POFUT2: variants seen among roughly 807,000 people sequenced by gnomAD.
The protein encoded by POFUT2 is protein O-fucosyltransferase 2.
Under a neutral mutation model 55.0 loss-of-function variants are expected in POFUT2, and 30 were observed. The ratio of observed to expected loss-of-function variants is 0.55; its 90% CI spans 0.41 to 0.74. The LOEUF (loss-of-function observed/expected upper bound fraction) is 0.74, where lower values mean the gene tolerates loss of function less well. POFUT2 is among the 30% of genes least tolerant of loss of function. POFUT2 has a pLI of 0.00. For synonymous variants in POFUT2, 267 were observed against 231.1 expected (o/e 1.16, Z -1.41); for missense variants, 524 against 562.6 (o/e 0.93, Z 0.69).
chr21:45,276,516 A>G (rs1011297989), intron 6 of POFUT2, among the ~76,000 whole-genome samples: 11 of 152,258 alleles, frequency 7.2e-5, no homozygotes, highest in African/African-American at 2.4e-4. Flanking sequence ...TTGAAATTAC[A>G]TCACAGAAAA....
chr21:45,264,770 G>C lies in POFUT2; in HGVS notation c.*712C>G, dbSNP rs1569212216. ...CCAGCCGGGCCTGGTGTGAGGAGCAGAGCTGCAAGTTTCCTACAGACAATC... is the reference window on the plus strand; with the variant it reads ...CCAGCCGGGCCTGGTGTGAGGAGCACAGCTGCAAGTTTCCTACAGACAATC... On this transcript the variant is annotated 3_prime_UTR_variant, in exon 9 of 9. Transcript: ENST00000349485. 6.5e-6 allele frequency: 1 copy of C among 152,950 alleles called. No individual in the cohort carries two copies. Among genetic ancestry groups the C allele is most frequent in the Non-Finnish European group, 1.5e-5 (1 of 68,544 alleles). 9.5% of individuals were successfully genotyped at this position (152,950 alleles called of 1,614,324 possible).
chr21:45,269,692 TTGTTCAC>T (rs1254222292), intron 7 of POFUT2, 140 bp downstream of exon 7: 4 of 720,880 alleles, frequency 5.5e-6, no homozygotes, highest in Non-Finnish European at 9.0e-6. Context: ...CCAGAGACCT[TTGTTCAC>T]TTGTTTATCT....
intron 2 of POFUT2, 107 bp from the exon 3 acceptor site, chr21:45,283,634 T>C (rs1372942975): frequency 8.9e-7 from 1 of 1,127,072 alleles, no homozygotes; most frequent in East Asian, 2.4e-5. Flanking sequence ...CACCACCCTA[T>C]TCCCAAAGGG....
rs1030731748 is a variant in POFUT2, at chr21:45,270,651, C to G, written c.832-632G>C. On this transcript the variant is annotated intron_variant, in intron 6 of 8. Coordinates refer to ENST00000349485, the MANE Select transcript of POFUT2 (RefSeq NM_133635.6). This position sits in a 1 kb window ranked among gnomAD's most constrained non-coding sequence, Gnocchi z 4.6. ...AAGGACCCCCCCAGAGTCCACTTCACTCCCCCGCCACCTCCAGCAGAGCAG... is the reference window on the plus strand; with the variant it reads ...AAGGACCCCCCCAGAGTCCACTTCAGTCCCCCGCCACCTCCAGCAGAGCAG... 6.6e-6 allele frequency among the ~76,000 whole-genome samples: 1 copy of G among 152,242 alleles called. No individual in the cohort carries two copies. Among genetic ancestry groups the G allele is most frequent in the African/African-American group, 2.4e-5 (1 of 41,458 alleles).
At chr21:45,278,245 T>A (rs1007932022) in intron 4 of POFUT2, 76 bp from the exon 5 acceptor site, 7 of 1,269,412 alleles carry the variant, frequency 5.5e-6, no homozygotes, top group Non-Finnish European at 8.1e-6. Context: ...GAGCACAAAC[T>A]GGGAGAACCC....
intron 7 of POFUT2, among the ~76,000 whole-genome samples, chr21:45,268,288 G>A (rs1012467503): frequency 1.5e-4 from 23 of 152,174 alleles, no homozygotes; most frequent in Admixed American, 4.6e-4. Context: ...CTCAGTGCTC[G>A]ATGGTGCCCA....
rs914214 is a variant in POFUT2, at chr21:45,277,905, G to C, written c.705+198C>G. ...GAGGGGAGAGCTGGGTGGCCCTGCGGGCTCCCGAGGACCTGGCTCTGCAGC... is the reference window on the plus strand; with the variant it reads ...GAGGGGAGAGCTGGGTGGCCCTGCGCGCTCCCGAGGACCTGGCTCTGCAGC... On this transcript the variant is annotated intron_variant, in intron 5 of 8. Coordinates refer to ENST00000349485, the MANE Select transcript of POFUT2 (RefSeq NM_133635.6). This position sits in a 1 kb window ranked among gnomAD's most constrained non-coding sequence, Gnocchi z 6.9. 1.6e-6 allele frequency: 1 copy of C among 620,520 alleles called. No individual in the cohort carries two copies. The highest frequency in any genetic ancestry group is 2.8e-5 in the Admixed American group (1 of 35,794). The allele number at this position is 620,520 out of a possible 1,614,324, so 38.4% of individuals were successfully genotyped here. A position where few individuals can be genotyped will look rare whatever the true frequency, so the allele number is the denominator to read the frequency against.
chr21:45,277,993 G>A lies in POFUT2; in HGVS notation c.705+110C>T, dbSNP rs953530363. On this transcript the variant is annotated intron_variant, in intron 5 of 8. Transcript: ENST00000349485. This position sits in a 1 kb window ranked among gnomAD's most constrained non-coding sequence, Gnocchi z 6.9. ...CCCAAATCCATGGCTTAAAATGATG[G>A]TTTTAATCAGCAAGGTTCAAAAAGA... The A allele has an allele frequency of 1.1e-6, 1 of 938,928 alleles. No homozygotes were observed. 58.2% of individuals were successfully genotyped at this position (938,928 alleles called of 1,614,324 possible).
intron 7 of POFUT2, among the ~76,000 whole-genome samples, chr21:45,269,230 G>A (rs1215932370): frequency 5.9e-5 from 9 of 151,748 alleles, no homozygotes; most frequent in African/African-American, 1.2e-4. Context: ...CTGCCCGGCC[G>A]CCCCTACTGG....
intron 3 of POFUT2, 70 bp downstream of exon 3, chr21:45,283,313 G>GGGC (rs1555950859): frequency 1.3e-6 from 1 of 792,264 alleles, no homozygotes; most frequent in Non-Finnish European, 1.8e-6. Flanking sequence ...TGAGGCGGGG[G>GGGC]GGGGGGGACG....
At position 45,265,667 on chromosome 21, in the gene POFUT2, G is replaced by A. The variant is rs2093146910; in HGVS notation, c.1137-32C>T. The A allele has an allele frequency of 1.3e-6, 1 of 779,230 alleles. No individual in the cohort carries two copies. Among genetic ancestry groups the A allele is most frequent in the Non-Finnish European group, 1.7e-6 (1 of 584,258 alleles). The allele number at this position is 779,230 out of a possible 1,614,324, so 48.3% of individuals were successfully genotyped here. A position where few individuals can be genotyped will look rare whatever the true frequency, so the allele number is the denominator to read the frequency against. The stretch of plus-strand genomic sequence containing the variant: ...AGGATCACAGAGGTTCCAGAGTCAG[G>A]GAGAACTGGCGTCACAGAGGTTCCA... On this transcript the variant is annotated intron_variant, in intron 8 of 8. Coordinates refer to ENST00000349485, the MANE Select transcript of POFUT2 (RefSeq NM_133635.6). The surrounding 1 kb of genome is among the most constrained non-coding windows in gnomAD (Gnocchi z 4.6).
At position 45,273,155 on chromosome 21, in the gene POFUT2, GAAGAA is replaced by G. The variant is rs1189880997; in HGVS notation, c.832-3141_832-3137del. On this transcript the variant is annotated intron_variant, in intron 6 of 8. Transcript: ENST00000349485. ...TTGATAGACCATTAGTGAGATTAAT[GAAGAA>G]GAGAGAAGATCCAAATAAGGTCAAT... 3.3e-5 allele frequency among the ~76,000 whole-genome samples: 5 copies of G among 152,214 alleles called. No homozygotes were observed. The East Asian group carries it at 7.7e-4, about 23-fold the overall frequency.
rs1375657276 is a variant in POFUT2, at chr21:45,265,499, A to G, written c.1273T>C (p.Trp425Arg). The G allele has an allele frequency of 6.2e-7, 1 of 1,613,272 alleles. No individual in the cohort carries two copies. Among genetic ancestry groups the G allele is most frequent in the Non-Finnish European group, 8.5e-7 (1 of 1,179,644 alleles). Reference protein sequence around the residue: ...QEKACEQPTHWKITY With the variant: ...QEKACEQPTHRKITY ...GATCCTCCTCAGTAGGTGATCTTCC[A>G]GTGGGTGGGTTGCTCACACGCCTTC... The change falls in exon 9 of 9, where the codon TGG (tryptophan) becomes CGG (arginine). Residue 425 changes from tryptophan to arginine, a missense_variant. Around this residue, in one of 2 missense-constraint regions of POFUT2, gnomAD observed 250 missense variants for 318.2 expected, o/e 0.79. Transcript: ENST00000349485. This position sits in a 1 kb window ranked among gnomAD's most constrained non-coding sequence, Gnocchi z 4.6.
intron 1 of POFUT2, 95 bp from the exon 2 acceptor site, chr21:45,286,023 T>G (rs548421520): frequency 3.6e-6 from 4 of 1,107,936 alleles, no homozygotes; most frequent in Non-Finnish European, 5.2e-6. Flanking sequence ...GGCCCGACTC[T>G]AGGCACTTAA....
At chr21:45,269,792 A>G in intron 7 of POFUT2, 47 bp downstream of exon 7, 1 of 1,550,162 alleles carries the variant, frequency 6.5e-7, no homozygotes, top group Non-Finnish European at 8.7e-7. Flanking sequence ...CAATAAAAAA[A>G]ATAAATTAAA....
chr21:45,287,679 C>CAA, intron 1 of POFUT2, 62 bp downstream of exon 1: 66 of 457,748 alleles, frequency 1.4e-4, no homozygotes, highest in Non-Finnish European at 2.0e-4. Context: ...CCGCCCCCAT[C>CAA]CCATCCTCTG....
intron 6 of POFUT2, among the ~76,000 whole-genome samples, chr21:45,271,154 A>G (rs2093216862): frequency 6.6e-6 from 1 of 152,162 alleles, no homozygotes; most frequent in South Asian, 2.1e-4. Context: ...AAAAAACAAC[A>G]ACAACAATAT....
Position 45,265,394 on chromosome 21 carries a change from G to A in POFUT2, c.*88C>T, listed in dbSNP as rs919578024. On this transcript the variant is annotated 3_prime_UTR_variant, in exon 9 of 9. Coordinates refer to ENST00000349485, the MANE Select transcript of POFUT2 (RefSeq NM_133635.6). The surrounding 1 kb of genome is among the most constrained non-coding windows in gnomAD (Gnocchi z 4.6). ...GGACGGTCCTGTCCGCCCAGCTCCC[G>A]GCTGGCAGTAGACGGTGACTCCACG... is the stretch of plus-strand genomic sequence containing the variant. 9.2e-5 allele frequency: 116 copies of A among 1,255,632 alleles called. 3 individuals carry two copies. In the South Asian group the frequency reaches 1.4e-3, roughly 15 times the overall value. 77.8% of individuals were successfully genotyped at this position (1,255,632 alleles called of 1,614,324 possible).
rs535413933 is a variant in POFUT2, at chr21:45,272,609, C to T, written c.832-2590G>A. Among the ~76,000 whole-genome samples, 173 of 152,212 alleles carry T rather than the reference C, an allele frequency of 1.1e-3. 2 individuals are homozygous for T. The highest frequency in any genetic ancestry group is 3.9e-3 in the African/African-American group (164 of 41,532). ...ACAGCTGCAGAATATACATTCTGTTCGTAAGCATATGGAACGTTATCCAAG... is the reference window on the plus strand; with the variant it reads ...ACAGCTGCAGAATATACATTCTGTTTGTAAGCATATGGAACGTTATCCAAG... On this transcript the variant is annotated intron_variant, in intron 6 of 8. Transcript: ENST00000349485.
Sources: gnomAD v4.1 joint callset for allele counts (sites outside exome capture counted in the v4.1 genomes callset) on GRCh38, gnomAD v4.1.1 for gene constraint, gnomAD v4.1.1 regional missense constraint, Gnocchi (gnomAD v3.1) non-coding constraint, MANE v1.5 for transcripts, NCBI Gene and HGNC (gene_info 2026-07-23, HGNC 2026-07-21) for gene names.